The following C17orf99 variants were observed in gnomAD, a reference collection of about 807,000 sequenced individuals.
C17orf99 encodes the protein protein IL-40.
In C17orf99, 18 loss-of-function variants were observed where a neutral mutation model predicts 22.6. The ratio of observed to expected loss-of-function variants is 0.80; its 90% CI spans 0.55 to 1.18. The LOEUF is 1.18. C17orf99 is among the 50% of genes most tolerant of loss of function. C17orf99 has a pLI of 0.00. For missense variants in C17orf99, 328 were observed against 342.7 expected (o/e 0.96, Z 0.34); for synonymous variants, 147 against 136.6 (o/e 1.08, Z -0.53).
At chr17:78,164,442 C>A in intron 4 of C17orf99, 78 bp downstream of exon 4, 2 of 1,549,670 alleles carry the variant, frequency 1.3e-6, no homozygotes, top group South Asian at 2.4e-5. Flanking sequence ...AGACACAGGT[C>A]GATGGGAAGT....
At chr17:78,146,336 G>T, upstream of C17orf99, 1 of 1,418,584 alleles carries the variant, frequency 7.0e-7, no homozygotes, top group Admixed American at 2.0e-5. This position sits in a 1 kb window ranked among gnomAD's most constrained non-coding sequence, Gnocchi z 5.2. Context: ...CATCCCAGGG[G>T]CCTCAGGGTG....
intron 3 of C17orf99, among the ~76,000 whole-genome samples, chr17:78,162,455 C>T (rs2075585679): frequency 6.6e-6 from 1 of 151,698 alleles, no homozygotes; most frequent in Non-Finnish European, 1.5e-5. Context: ...TGTTGCCCGA[C>T]TTAGGGTGGG....
At chr17:78,150,871 C>A (rs899620511) in intron 2 of C17orf99, among the ~76,000 whole-genome samples, 5 of 152,196 alleles carry the variant, frequency 3.3e-5, no homozygotes, top group Non-Finnish European at 7.3e-5. Flanking sequence ...CGTCTGTAAT[C>A]GAGCACTTTG....
intron 2 of C17orf99, among the ~76,000 whole-genome samples, chr17:78,152,121 G>T (rs2075488501): frequency 6.6e-6 from 1 of 152,118 alleles, no homozygotes; most frequent in South Asian, 2.1e-4. Flanking sequence ...TTTTGAGTGT[G>T]CCATCCCATT....
chr17:78,163,646 G>T (rs1399614599), intron 3 of C17orf99, among the ~76,000 whole-genome samples: 2 of 152,032 alleles, frequency 1.3e-5, no homozygotes, highest in East Asian at 3.9e-4. Context: ...GCAGAAGATT[G>T]CTTGAGCCCA....
intron 3 of C17orf99, 39 bp from the exon 4 acceptor site, chr17:78,164,056 G>A (rs369513651): frequency 1.3e-5 from 19 of 1,514,870 alleles, no homozygotes; most frequent in East Asian, 9.8e-5. Flanking sequence ...GTTTAAAACC[G>A]CTCAGCCATG....
intron 2 of C17orf99, among the ~76,000 whole-genome samples, chr17:78,156,590 G>A (rs749635990): frequency 2.0e-5 from 3 of 151,988 alleles, no homozygotes; most frequent in Non-Finnish European, 2.9e-5. Context: ...CAGGAGCCTC[G>A]CATTCTTCAA....
At chr17:78,153,344 G>C (rs909144407) in intron 2 of C17orf99, among the ~76,000 whole-genome samples, 4 of 152,050 alleles carry the variant, frequency 2.6e-5, no homozygotes, top group Admixed American at 2.6e-4. Flanking sequence ...AATTAGCCGG[G>C]CGTGGTGGTG....
chr17:78,156,332 G>GAAAAAA (rs769438256), intron 2 of C17orf99, among the ~76,000 whole-genome samples: 14 of 63,326 alleles, frequency 2.2e-4, no homozygotes, highest in South Asian at 6.0e-4. Context: ...TCCTTCTCCA[G>GAAAAAA]AAAAAAAAAA....
intron 3 of C17orf99, among the ~76,000 whole-genome samples, chr17:78,161,610 G>A (rs111233908): frequency 0.18 from 27,232 of 152,102 alleles, 3,096 homozygotes; most frequent in Non-Finnish European, 0.25. Context: ...GTGGGAGGCC[G>A]AGACAGGCTG....
intron 3 of C17orf99, 132 bp from the exon 4 acceptor site, chr17:78,163,963 T>C (rs2075597439): frequency 1.3e-6 from 1 of 769,062 alleles, no homozygotes; most frequent in South Asian, 1.6e-5. Context: ...GGGCAAACTC[T>C]AGAAGGCGGC....
At chr17:78,152,160 T>TTTTA (rs34429235) in intron 2 of C17orf99, among the ~76,000 whole-genome samples, 16 of 151,076 alleles carry the variant, frequency 1.1e-4, no homozygotes, top group South Asian at 4.2e-4. Flanking sequence ...AGCAGATGAA[T>TTTTA]TTTATTTATT....
At chr17:78,158,174 G>T in intron 2 of C17orf99, 1 of 747,800 alleles carries the variant, frequency 1.3e-6, no homozygotes. Flanking sequence ...CATGACCGAG[G>T]AGGCAGCTGC....
At chr17:78,147,129 G>T (rs1024406355) in intron 2 of C17orf99, among the ~76,000 whole-genome samples, 2 of 152,206 alleles carry the variant, frequency 1.3e-5, no homozygotes, top group African/African-American at 4.8e-5. Flanking sequence ...GGACCTCCGG[G>T]GCACACAGGC....
rs770775984 is a variant in C17orf99, at chr17:78,160,940, C to T, written c.71-15C>T. 6.5e-7 allele frequency: 1 copy of T among 1,544,600 alleles called. No individual in the cohort carries two copies. The highest frequency in any genetic ancestry group is 1.2e-5 in the South Asian group (1 of 83,840). On this transcript the variant is annotated splice_polypyrimidine_tract_variant and intron_variant, in intron 2 of 4. Transcript: ENST00000340363. ...TCGGTTTCTTTCTTCCTCCTTGGACCTTTTCATCTCCCAGAAATTACCCCT... is the reference window on the plus strand; with the variant it reads ...TCGGTTTCTTTCTTCCTCCTTGGACTTTTTCATCTCCCAGAAATTACCCCT...
chr17:78,161,830 C>T (rs1351907503), intron 3 of C17orf99, among the ~76,000 whole-genome samples: 6 of 143,210 alleles, frequency 4.2e-5, no homozygotes, highest in African/African-American at 1.3e-4. Context: ...GGTAACAGAG[C>T]GTCTCCAAAA....
chr17:78,154,202 G>A (rs2075507945), intron 2 of C17orf99, among the ~76,000 whole-genome samples: 1 of 151,852 alleles, frequency 6.6e-6, no homozygotes, highest in South Asian at 2.1e-4. Flanking sequence ...TGGAATGACA[G>A]GCGTGAGCCA....
chr17:78,165,524 C>T (rs72898226), intron 4 of C17orf99: 81,702 of 987,692 alleles, frequency 0.083, 4,959 homozygotes, highest in East Asian at 0.41. Context: ...AGAGGCAGGC[C>T]GGGCACAGTG....
chr17:78,161,269 G>T lies in C17orf99; in HGVS notation c.370+15G>T. The T allele has an allele frequency of 3.2e-6, 5 of 1,548,176 alleles. No individual in the cohort carries two copies. The highest frequency in any genetic ancestry group is 4.4e-6 in the Non-Finnish European group (5 of 1,144,196). ...GCTGTGGTCCAGTGAGTGCGGTGGG[G>T]GGCACAGGGCTGAGGAGGCAGGTGG... On this transcript the variant is annotated intron_variant, in intron 3 of 4. Coordinates refer to ENST00000340363, the MANE Select transcript of C17orf99 (RefSeq NM_001163075.2).
Sources: allele counts gnomAD v4.1 joint callset (sites outside exome capture counted in the v4.1 genomes callset), GRCh38; gene constraint gnomAD v4.1.1; non-coding constraint Gnocchi (gnomAD v3.1); transcripts MANE v1.5; gene names NCBI Gene and HGNC (gene_info 2026-07-23, HGNC 2026-07-21).